OR4N2: variants seen among roughly 807,000 people sequenced by gnomAD.
OR4N2 encodes olfactory receptor 4N2.
For missense variants in OR4N2, 307 were observed against 377.6 expected, an observed-to-expected ratio of 0.81 and a Z score of 1.55; for synonymous variants, 141 against 140.4, an observed-to-expected ratio of 1.00 and a Z score of -0.03.
intron 1 of OR4N2, among the ~76,000 whole-genome samples, chr14:19,820,292 T>C (rs1344572286): frequency 6.6e-6 from 1 of 152,284 alleles, no homozygotes; most frequent in East Asian, 1.9e-4. Flanking sequence ...CCTTCAGTTC[T>C]GCTCTGATCT....
intron 1 of OR4N2, among the ~76,000 whole-genome samples, chr14:19,825,526 CTTATTTATTTATTTATTTAT>C (rs71108560): frequency 4.3e-5 from 6 of 140,752 alleles, no homozygotes; most frequent in Admixed American, 1.4e-4. Flanking sequence ...TGCTAGAGCA[CTTATTTATTTATTTATTTAT>C]TTATTTATTT....
At chr14:19,815,803 G>T (rs1335481743) in intron 1 of OR4N2, among the ~76,000 whole-genome samples, 1 of 152,184 alleles carries the variant, frequency 6.6e-6, no homozygotes, top group Non-Finnish European at 1.5e-5. Flanking sequence ...TATTGGCTAG[G>T]TTTTCTTTTA....
At chr14:19,818,979 T>C (rs1272394593) in intron 1 of OR4N2, among the ~76,000 whole-genome samples, 2 of 152,278 alleles carry the variant, frequency 1.3e-5, no homozygotes, top group Non-Finnish European at 1.5e-5. Context: ...GGTTTGAAAA[T>C]TCTTTTCTTT....
chr14:19,814,147 T>A (rs554390171), intron 1 of OR4N2, among the ~76,000 whole-genome samples: 1 of 152,128 alleles, frequency 6.6e-6, no homozygotes, highest in Non-Finnish European at 1.5e-5. Context: ...AAAATAATTT[T>A]AAAATAGAAT....
Position 19,828,245 on chromosome 14 carries a change from C to G in OR4N2, c.797C>G (p.Pro266Arg), listed in dbSNP as rs1594404874. ...FIYTRPFRAF[P>R]ADKVVSLFHT... ...TACACGCGCCCCTTCAGGGCTTTCC[C>G]AGCTGACAAGGTGGTTTCTCTCTTC... The change falls in exon 2 of 2, where the codon CCA (proline) becomes CGA (arginine). Residue 266 changes from proline to arginine, a missense_variant. Pro to Arg is a moderately radical substitution (Grantham distance 103). Transcript: ENST00000557677. 3.1e-6 allele frequency: 5 copies of G among 1,614,246 alleles called. No homozygotes were observed. In the East Asian group the frequency reaches 8.9e-5, roughly 29 times the overall value.
chr14:19,817,161 G>A (rs535617486), intron 1 of OR4N2, among the ~76,000 whole-genome samples: 1 of 152,126 alleles, frequency 6.6e-6, no homozygotes, highest in Non-Finnish European at 1.5e-5. Flanking sequence ...TCTTTTTTAT[G>A]TGTGTCTCTG....
In OR4N2 at chr14:19,814,592, A is replaced by G. The variant is rs1879379805; in HGVS notation, c.-10+10748A>G. Among the ~76,000 whole-genome samples, 4 of 152,398 alleles carry G rather than the reference A, an allele frequency of 2.6e-5. No homozygotes were observed. The South Asian group carries it at 6.2e-4, about 24-fold the overall frequency. On this transcript the variant is annotated intron_variant, in intron 1 of 1. Transcript: ENST00000557677. ...GTGATAAACAAAGTACCAAATTTTAAGCAAAGGCAGGATCAGCAACTGCCA... is the reference window on the plus strand; with the variant it reads ...GTGATAAACAAAGTACCAAATTTTAGGCAAAGGCAGGATCAGCAACTGCCA...
At chr14:19,811,033 G>T (rs1409027911) in intron 1 of OR4N2, among the ~76,000 whole-genome samples, 2 of 152,224 alleles carry the variant, frequency 1.3e-5, no homozygotes, top group African/African-American at 4.8e-5. Context: ...GGTTCATATG[G>T]CTCAACCAGG....
chr14:19,824,397 A>G (rs1879640658), intron 1 of OR4N2, among the ~76,000 whole-genome samples: 1 of 152,260 alleles, frequency 6.6e-6, no homozygotes, highest in Non-Finnish European at 1.5e-5. Context: ...AGGCTGGGAC[A>G]CAGGCAGAAT....
intron 1 of OR4N2, among the ~76,000 whole-genome samples, chr14:19,817,397 A>G (rs528864788): frequency 6.6e-6 from 1 of 152,272 alleles, no homozygotes; most frequent in South Asian, 2.1e-4. Context: ...CAGGGATTTG[A>G]CTTCTTCCTG....
chr14:19,816,013 G>A lies in OR4N2; in HGVS notation c.-9-11427G>A, dbSNP rs560157232. On this transcript the variant is annotated intron_variant, in intron 1 of 1. Transcript: ENST00000557677. ...TGTTAAAGATCAGATGGTTGTAGAC[G>A]TGTGGCATTATTTCTAAGGCCTCTT... Among the ~76,000 whole-genome samples, 702 of 152,230 alleles carry A rather than the reference G, an allele frequency of 4.6e-3. 1 individual carries two copies. The highest frequency in any genetic ancestry group is 0.015 in the African/African-American group (636 of 41,512).
chr14:19,819,546 A>G (rs1209627798), intron 1 of OR4N2, among the ~76,000 whole-genome samples: 2 of 152,326 alleles, frequency 1.3e-5, no homozygotes, highest in African/African-American at 4.8e-5. Flanking sequence ...CAGGTTATTT[A>G]TGTTCTTTTC....
intron 1 of OR4N2, among the ~76,000 whole-genome samples, chr14:19,820,754 C>T (rs1879545131): frequency 6.6e-6 from 1 of 152,228 alleles, no homozygotes; most frequent in Non-Finnish European, 1.5e-5. Context: ...CTACTCAAGC[C>T]TCAGTAATGG....
chr14:19,806,748 C>G (rs1210301172), intron 1 of OR4N2, among the ~76,000 whole-genome samples: 35 of 152,102 alleles, frequency 2.3e-4, no homozygotes, highest in African/African-American at 8.0e-4. Context: ...ACCCAACAAC[C>G]ATGGAATATT....
chr14:19,812,500 T>TG (rs1846579679), intron 1 of OR4N2, among the ~76,000 whole-genome samples: 2 of 148,292 alleles, frequency 1.3e-5, no homozygotes, highest in African/African-American at 5.2e-5. Flanking sequence ...GAGATAATTT[T>TG]TTTGTTTGTT....
chr14:19,804,369 T>C (rs959188816), intron 1 of OR4N2, among the ~76,000 whole-genome samples: 2 of 152,216 alleles, frequency 1.3e-5, no homozygotes, highest in African/African-American at 4.8e-5. Flanking sequence ...TAATACTGCT[T>C]TATATGTGCC....
Position 19,827,923 on chromosome 14 carries a change from C to T in OR4N2, c.475C>T (p.Gln159Ter). The change falls in exon 2 of 2, where the codon CAG becomes TAG. Residue 159 changes from glutamine to a stop codon, truncating the protein, a stop_gained. Transcript: ENST00000557677. LOFTEE classifies it low-confidence loss of function (END_TRUNC). ...WLGGFVHSII[Q>*]VVLILRLPFC... is the part of the protein sequence containing the mutation. The stretch of plus-strand genomic sequence containing the variant: ...TGGGGGTTTTGTCCACTCCATTATC[C>T]AGGTGGTCCTCATCCTCCGCTTGCC... 6.2e-7 allele frequency: 1 copy of T among 1,614,212 alleles called. No homozygotes were observed. The highest frequency in any genetic ancestry group is 8.5e-7 in the Non-Finnish European group (1 of 1,180,036).
intron 1 of OR4N2, among the ~76,000 whole-genome samples, chr14:19,806,233 C>G (rs1181489358): frequency 6.6e-6 from 1 of 152,108 alleles, no homozygotes; most frequent in East Asian, 1.9e-4. Context: ...CAATATTAAT[C>G]TTAAATGTAA....
intron 1 of OR4N2, among the ~76,000 whole-genome samples, chr14:19,824,950 T>G (rs1484611018): frequency 6.6e-6 from 1 of 152,262 alleles, no homozygotes; most frequent in Non-Finnish European, 1.5e-5. Context: ...GTCTGCCCCC[T>G]TAACTCCTGC....
Sources: gnomAD v4.1 joint callset for allele counts (sites outside exome capture counted in the v4.1 genomes callset) on GRCh38, gnomAD v4.1.1 for gene constraint, MANE v1.5 for transcripts, NCBI Gene and HGNC (gene_info 2026-07-23, HGNC 2026-07-21) for gene names.